Variants in TBCB observed in about 807,000 individuals in gnomAD.
TBCB encodes the protein tubulin-folding cofactor B.
A neutral mutation model predicts 29.2 loss-of-function variants in TBCB; 18 were observed. That is an observed-to-expected ratio of 0.62 (90% confidence interval 0.43 to 0.91). The LOEUF (loss-of-function observed/expected upper bound fraction) is 0.91. TBCB is among the 40% of genes least tolerant of loss of function. The pLI, the probability that TBCB is intolerant of heterozygous loss-of-function variation, is 0.00. For missense variants in TBCB, 336 were observed against 337.6 expected (o/e 1.00, Z 0.04); for synonymous variants, 172 against 137.8 (o/e 1.25, Z -1.74).
chr19:36,115,883 G>C (rs895412800), intron 1 of TBCB, 158 bp from the exon 2 acceptor site: 2 of 1,217,620 alleles, frequency 1.6e-6, no homozygotes, highest in Non-Finnish European at 2.3e-6. Context: ...AAAATCCGAC[G>C]GTCCAGAGGG....
chr19:36,124,218 A>G (rs1357182339), intron 4 of TBCB, among the ~76,000 whole-genome samples: 1 of 152,088 alleles, frequency 6.6e-6, no homozygotes, highest in East Asian at 1.9e-4. Context: ...ATGTCTATTC[A>G]GATCCTTTGC....
At chr19:36,115,991 G>A (rs773728438) in intron 1 of TBCB, 50 bp from the exon 2 acceptor site, 3 of 1,594,176 alleles carry the variant, frequency 1.9e-6, no homozygotes, top group African/African-American at 2.7e-5. Flanking sequence ...TTGATGCAAG[G>A]GGCGGGGCCT....
chr19:36,125,657 C>A lies in TBCB; in HGVS notation c.621-11C>A. 1 of 1,591,736 alleles carries A rather than the reference C, an allele frequency of 6.3e-7. No homozygotes were observed. Among genetic ancestry groups the A allele is most frequent in the Admixed American group, 1.7e-5 (1 of 58,062 alleles). On this transcript the variant is annotated splice_polypyrimidine_tract_variant and intron_variant, in intron 5 of 5. Coordinates refer to ENST00000221855, the MANE Select transcript of TBCB (RefSeq NM_001281.3). ...TCCTCTGACCACACCCACCCCTATC[C>A]TTTCCTGCAGTGTGAATGGGAAACG... is the stretch of plus-strand genomic sequence containing the variant.
Position 36,125,706 on chromosome 19 carries a change from ATGGCGCC to A in TBCB, c.661_667del (p.Gly221LeufsTer7). On this transcript the variant is annotated frameshift_variant, in exon 6 of 6. Coordinates refer to ENST00000221855, the MANE Select transcript of TBCB (RefSeq NM_001281.3). LOFTEE classifies it high-confidence loss of function. Reference sequence around the variant, plus strand: ...CGCTACTTCGAATGCCAGGCCAAGTATGGCGCCTTTGTCAAGCCAGCAGTCGTGACGG... The same window carrying A: ...CGCTACTTCGAATGCCAGGCCAAGTATTTGTCAAGCCAGCAGTCGTGACGG... 1 of 1,583,210 alleles carries A rather than the reference ATGGCGCC, an allele frequency of 6.3e-7. No homozygotes were observed. The highest frequency in any genetic ancestry group is 8.6e-7 in the Non-Finnish European group (1 of 1,164,028).
At chr19:36,115,248 G>C, upstream of TBCB, 1 of 532,938 alleles carries the variant, frequency 1.9e-6, no homozygotes, top group Non-Finnish European at 3.3e-6. Flanking sequence ...GCGAGCTCTT[G>C]CCACTCCTAC....
In TBCB at chr19:36,120,824, T is replaced by G. The variant is rs1421858850; in HGVS notation, c.355+18T>G. 2 of 1,612,294 alleles carry G rather than the reference T, an allele frequency of 1.2e-6. No individual in the cohort carries two copies. Among genetic ancestry groups the G allele is most frequent in the African/African-American group, 1.3e-5 (1 of 74,532 alleles). ...GAGGCAAGGTACGGGCAGGTGGGCG[T>G]CGAGGGGTGCGTGGGGGCCAGAGGG... is the stretch of plus-strand genomic sequence containing the variant. On this transcript the variant is annotated intron_variant, in intron 3 of 5. Coordinates refer to ENST00000221855, the MANE Select transcript of TBCB (RefSeq NM_001281.3).
chr19:36,115,961 A>G, intron 1 of TBCB, 80 bp from the exon 2 acceptor site: 3 of 1,558,532 alleles, frequency 1.9e-6, no homozygotes, highest in Non-Finnish European at 1.7e-6. Flanking sequence ...TTTGGAGGAA[A>G]AGGGACGTGG....
At chr19:36,124,379 C>T (rs975037018) in intron 4 of TBCB, among the ~76,000 whole-genome samples, 1 of 151,744 alleles carries the variant, frequency 6.6e-6, no homozygotes, top group Non-Finnish European at 1.5e-5. Context: ...CGCTACAACA[C>T]CTGGCTAATT....
At chr19:36,117,397 T>C (rs1973973768) in intron 2 of TBCB, among the ~76,000 whole-genome samples, 1 of 152,192 alleles carries the variant, frequency 6.6e-6, no homozygotes, top group Non-Finnish European at 1.5e-5. Flanking sequence ...CAGGCCGGAA[T>C]GCAGTGGTGT....
intron 4 of TBCB, among the ~76,000 whole-genome samples, chr19:36,123,629 T>C (rs1397687726): frequency 6.6e-6 from 1 of 152,074 alleles, no homozygotes; most frequent in Admixed American, 6.5e-5. Context: ...ATTCCAGCAC[T>C]TTGGGAGGCC....
At chr19:36,115,165 C>T, upstream of TBCB, 1 of 561,476 alleles carries the variant, frequency 1.8e-6, no homozygotes, top group Non-Finnish European at 3.1e-6. Context: ...ACTGAGCATC[C>T]AGGACAGAAG....
intron 3 of TBCB, 109 bp downstream of exon 3, chr19:36,120,915 C>G (rs568960844): frequency 7.4e-6 from 7 of 950,778 alleles, no homozygotes; most frequent in Admixed American, 6.7e-5. Flanking sequence ...GTGGTGTAGA[C>G]GGGGGGCCGA....
intron 2 of TBCB, 60 bp from the exon 3 acceptor site, chr19:36,120,650 C>G: frequency 6.6e-7 from 1 of 1,504,080 alleles, no homozygotes; most frequent in East Asian, 2.3e-5. Flanking sequence ...GTCCCTGCAC[C>G]CAGCACCCAG....
Position 36,115,500 on chromosome 19 carries a change from G to A in TBCB, c.-61G>A. The stretch of plus-strand genomic sequence containing the variant: ...GCCCAGCAGCAGCAGCGGCGGCGGC[G>A]GCTGCGGAGCGGGTGTGAGGCGGCT... On this transcript the variant is annotated 5_prime_UTR_variant, in exon 1 of 6. Transcript: ENST00000221855. 12 of 1,296,634 alleles carry A rather than the reference G, an allele frequency of 9.3e-6. No homozygotes were observed. Among genetic ancestry groups the A allele is most frequent in the Non-Finnish European group, 1.3e-5 (12 of 926,020 alleles). 80.3% of individuals were successfully genotyped at this position (1,296,634 alleles called of 1,614,324 possible).
Position 36,116,157 on chromosome 19 carries a change from C to T in TBCB, c.231C>T (p.Tyr77=). The T allele has an allele frequency of 6.2e-7, 1 of 1,614,146 alleles. No homozygotes were observed. The highest frequency in any genetic ancestry group is 8.5e-7 in the Non-Finnish European group (1 of 1,180,008). ...AAGAGGATGCGCTCCTGGGCTCCTA[C>T]CCTGTAGATGACGGCTGCCGCATCC... ...LDQEDALLGS[Y]PVDDGCRIHV... The change falls in exon 2 of 6, where the codon TAC becomes TAT. Residue 77 remains tyrosine (Y), a synonymous_variant. Coordinates refer to ENST00000221855, the MANE Select transcript of TBCB (RefSeq NM_001281.3).
intron 2 of TBCB, among the ~76,000 whole-genome samples, chr19:36,117,426 C>T (rs1333461248): frequency 1.3e-5 from 2 of 152,202 alleles, no homozygotes; most frequent in East Asian, 3.8e-4. Flanking sequence ...CTCACTGCAA[C>T]CTCTGTCTCC....
At position 36,115,478 on chromosome 19, in the gene TBCB, C is replaced by CAGT; in HGVS notation, c.-81_-80insTAG. The CAGT allele has an allele frequency of 9.7e-7, 1 of 1,029,532 alleles. No homozygotes were observed. Among genetic ancestry groups the CAGT allele is most frequent in the Non-Finnish European group, 1.4e-6 (1 of 709,230 alleles). The allele number at this position is 1,029,532 out of a possible 1,614,324, so 63.8% of individuals were successfully genotyped here. A position where few individuals can be genotyped will look rare whatever the true frequency, so the allele number is the denominator to read the frequency against. ...GGAGCAGGAGGCGGGGCTGATAGCCCAGCAGCAGCAGCGGCGGCGGCGGCT... is the reference window on the plus strand; with the variant it reads ...GGAGCAGGAGGCGGGGCTGATAGCCCAGTAGCAGCAGCAGCGGCGGCGGCGGCT... On this transcript the variant is annotated 5_prime_UTR_variant, in exon 1 of 6. Coordinates refer to ENST00000221855, the MANE Select transcript of TBCB (RefSeq NM_001281.3).
In TBCB at chr19:36,125,932, T is replaced by A; in HGVS notation, c.*150T>A. 2 of 525,758 alleles carry A rather than the reference T, an allele frequency of 3.8e-6. No individual in the cohort carries two copies. Among genetic ancestry groups the A allele is most frequent in the Non-Finnish European group, 6.3e-6 (2 of 317,180 alleles). The allele number at this position is 525,758 out of a possible 1,614,324, so 32.6% of individuals were successfully genotyped here. On this transcript the variant is annotated 3_prime_UTR_variant, in exon 6 of 6. Coordinates refer to ENST00000221855, the MANE Select transcript of TBCB (RefSeq NM_001281.3). ...TTTGAGACTCATGCATTAAATTCAC[T>A]AGAAACCCAGAAAGTATTTAGAGGA...
At chr19:36,119,612 G>A (rs1259455059) in intron 2 of TBCB, among the ~76,000 whole-genome samples, 1 of 152,212 alleles carries the variant, frequency 6.6e-6, no homozygotes, top group African/African-American at 2.4e-5. Context: ...TCTAGGCCAG[G>A]TGCGGTGGAT....
Sources: allele counts gnomAD v4.1 joint callset (sites outside exome capture counted in the v4.1 genomes callset), GRCh38; gene constraint gnomAD v4.1.1; transcripts MANE v1.5; gene names NCBI Gene and HGNC (gene_info 2026-07-23, HGNC 2026-07-21).